DNMT1: variants seen among roughly 807,000 people sequenced by gnomAD.
The protein encoded by DNMT1 is DNA methyltransferase 1.
In DNMT1, 24 loss-of-function variants were observed where a neutral mutation model predicts 205.3. That is an observed-to-expected ratio of 0.12 (90% CI 0.08 to 0.16). The LOEUF is 0.16. Ranked by LOEUF, DNMT1 falls within the 10% of genes least tolerant of loss-of-function variation. DNMT1 has a pLI of 1.00. For missense variants in DNMT1, 1,293 were observed against 2,177.7 expected (o/e 0.59, Z 8.09); for synonymous variants, 817 against 839.8 (o/e 0.97, Z 0.47).
In DNMT1 at chr19:10,145,366, T is replaced by C. The variant is rs557081013; in HGVS notation, c.2894+985A>G. On this transcript the variant is annotated intron_variant, in intron 28 of 40. Coordinates refer to ENST00000359526, the MANE Select transcript of DNMT1 (RefSeq NM_001130823.3). ...TAACGCGCCCCAACTGTGCCAAGGC[T>C]GGAGGGAACCTGCTTCTCCAGTTCT... 1.1e-4 allele frequency among the ~76,000 whole-genome samples: 17 copies of C among 152,328 alleles called. No individual in the cohort carries two copies. In the East Asian group the frequency reaches 3.3e-3, roughly 29 times the overall value.
chr19:10,190,319 T>C (rs1430048744), intron 1 of DNMT1, among the ~76,000 whole-genome samples: 1 of 152,128 alleles, frequency 6.6e-6, no homozygotes, highest in Non-Finnish European at 1.5e-5. Flanking sequence ...AAGCTGCAGA[T>C]ACAGTGAATA....
At chr19:10,145,540 C>T (rs893258540) in intron 28 of DNMT1, among the ~76,000 whole-genome samples, 2 of 152,346 alleles carry the variant, frequency 1.3e-5, no homozygotes, top group East Asian at 1.9e-4. Context: ...AGTGTGGAAA[C>T]GATCTGTGGC....
intron 7 of DNMT1, 51 bp from the exon 8 acceptor site, chr19:10,173,956 G>A: frequency 6.4e-7 from 1 of 1,564,892 alleles, no homozygotes; most frequent in Non-Finnish European, 8.8e-7. Flanking sequence ...GGTTTCAAGG[G>A]AAGGTCAACA....
chr19:10,157,937 C>A (rs995462316), intron 17 of DNMT1, among the ~76,000 whole-genome samples: 3 of 152,204 alleles, frequency 2.0e-5, no homozygotes, highest in African/African-American at 7.2e-5. Flanking sequence ...GGCCAGACCC[C>A]ACCCATGACT....
At chr19:10,144,263 C>A in intron 28 of DNMT1, 1 of 407,096 alleles carries the variant, frequency 2.5e-6, no homozygotes, top group Non-Finnish European at 4.7e-6. Flanking sequence ...CAAAAATTAG[C>A]CGGGTGTGGT....
chr19:10,139,990 A>G (rs2089570031), intron 33 of DNMT1, 56 bp downstream of exon 33: 1 of 1,601,592 alleles, frequency 6.2e-7, no homozygotes, highest in Non-Finnish European at 8.5e-7. Context: ...ACCACTGCTG[A>G]CATGCGGCAC....
intron 19 of DNMT1, among the ~76,000 whole-genome samples, chr19:10,155,337 CTTT>C (rs561209748): frequency 6.8e-6 from 1 of 146,194 alleles, no homozygotes; most frequent in Admixed American, 6.9e-5. Flanking sequence ...AAGACCTGCT[CTTT>C]TTTTTTTTTC....
rs1188633987 is a variant in DNMT1 at position 10,180,396 on chromosome 19, G to A, written c.399C>T (p.Ser133=). 3 of 1,613,842 alleles carry A rather than the reference G, an allele frequency of 1.9e-6. No homozygotes were observed. The highest frequency in any genetic ancestry group is 3.3e-5 in the Admixed American group (2 of 59,970). ...ADANSPPKPL[S]KPRTPRRSKS... is the part of the protein sequence containing the mutation. Reference sequence around the variant, plus strand: ...TGCTCCTCCTGGGCGTGCGAGGTTTGGAAAGGGGTTTGGGGGGGCTGTTGG... The same window carrying A: ...TGCTCCTCCTGGGCGTGCGAGGTTTAGAAAGGGGTTTGGGGGGGCTGTTGG... The change falls in exon 4 of 41, where the codon TCC becomes TCT. Residue 133 remains serine, a synonymous_variant. Coordinates refer to ENST00000359526, the MANE Select transcript of DNMT1 (RefSeq NM_001130823.3).
rs577833349 is a variant in DNMT1, at chr19:10,177,218, G to A, written c.569+74C>T. The stretch of plus-strand genomic sequence containing the variant: ...ACAACACGGAAGACAGAATTGCCAC[G>A]TGACGCCCTACCAATTCCATCCCAA... On this transcript the variant is annotated intron_variant, in intron 6 of 40. Coordinates refer to ENST00000359526, the MANE Select transcript of DNMT1 (RefSeq NM_001130823.3). 264 of 1,366,368 alleles carry A rather than the reference G, an allele frequency of 1.9e-4. 2 individuals are homozygous for A. The East Asian group carries it at 4.0e-3, about 21-fold the overall frequency. 84.6% of individuals were successfully genotyped at this position (1,366,368 alleles called of 1,614,324 possible). A position where few individuals can be genotyped will look rare whatever the true frequency, so the allele number is the denominator to read the frequency against.
intron 1 of DNMT1, among the ~76,000 whole-genome samples, chr19:10,192,222 G>C (rs1243171279): frequency 6.6e-6 from 1 of 151,606 alleles, no homozygotes; most frequent in African/African-American, 2.4e-5. Flanking sequence ...GGGGTTCAAG[G>C]CTGCAGTAAG....
At chr19:10,166,200 CA>C (rs1416203917) in intron 11 of DNMT1, among the ~76,000 whole-genome samples, 2 of 152,068 alleles carry the variant, frequency 1.3e-5, no homozygotes, top group Admixed American at 6.6e-5. Flanking sequence ...GGGAGGCTGG[CA>C]GGGGGAGAGC....
In DNMT1 at chr19:10,183,121, A is replaced by ACACACG. The variant is rs1568257414; in HGVS notation, c.81-1045_81-1044insCGTGTG. 4.8e-3 allele frequency among the ~76,000 whole-genome samples: 621 copies of ACACACG among 130,554 alleles called. 2 individuals carry two copies. The highest frequency in any genetic ancestry group is 0.018 in the South Asian group (70 of 3,896). The allele number at this position is 130,554 out of a possible 152,430, so 85.6% of individuals were successfully genotyped here. A position where few individuals can be genotyped will look rare whatever the true frequency, so the allele number is the denominator to read the frequency against. On this transcript the variant is annotated intron_variant, in intron 1 of 40. Coordinates refer to ENST00000359526, the MANE Select transcript of DNMT1 (RefSeq NM_001130823.3). ...CGTATATATACGTGTGTATATATAT[A>ACACACG]TATATTTTTTTTTTTTGAGATAGGG...
At chr19:10,167,661 A>G (rs1190941907) in intron 10 of DNMT1, among the ~76,000 whole-genome samples, 1 of 152,200 alleles carries the variant, frequency 6.6e-6, no homozygotes, top group African/African-American at 2.4e-5. Flanking sequence ...ACAGCCACCA[A>G]GCTGTAGACA....
At chr19:10,144,071 A>C in intron 28 of DNMT1, 84 bp from the exon 29 acceptor site, 1 of 1,360,548 alleles carries the variant, frequency 7.3e-7, no homozygotes, top group Non-Finnish European at 1.0e-6. Flanking sequence ...GAAAATAACC[A>C]TTTAAAGTCA....
In DNMT1 at chr19:10,151,835, G is replaced by C. The variant is rs1599362269; in HGVS notation, c.2032C>G (p.Pro678Ala). 6.2e-7 allele frequency: 1 copy of C among 1,613,958 alleles called. No individual in the cohort carries two copies. Among genetic ancestry groups the C allele is most frequent in the East Asian group, 2.2e-5 (1 of 44,878 alleles). ...RCGVCEVCQQ[P>A]ECGKCKACKD... ...CAGGCTTTACATTTCCCACACTCAG[G>C]CTGCTGACACACCTAAAAAATGGCA... Residue 678 changes from proline (P) to alanine (A), a missense_variant, in exon 23 of 41, where the codon CCT becomes GCT. Coordinates refer to ENST00000359526, the MANE Select transcript of DNMT1 (RefSeq NM_001130823.3). The surrounding 1 kb of genome is among the most constrained non-coding windows in gnomAD (Gnocchi z 5.0).
chr19:10,144,945 C>G (rs971107056), intron 28 of DNMT1, among the ~76,000 whole-genome samples: 1 of 152,194 alleles, frequency 6.6e-6, no homozygotes, highest in African/African-American at 2.4e-5. Context: ...GGTATGTCGG[C>G]CAGGCTGGTC....
At chr19:10,165,958 T>C (rs1379885311) in intron 11 of DNMT1, among the ~76,000 whole-genome samples, 2 of 152,118 alleles carry the variant, frequency 1.3e-5, no homozygotes, top group Non-Finnish European at 2.9e-5. Context: ...CCCGTGACCT[T>C]GGGCTCCACT....
chr19:10,188,450 G>T (rs1010337689), intron 1 of DNMT1, among the ~76,000 whole-genome samples: 1 of 152,042 alleles, frequency 6.6e-6, no homozygotes, highest in Non-Finnish European at 1.5e-5. Context: ...TGAGGCACAA[G>T]AATCATTTGA....
rs755725124 is a variant in DNMT1 at position 10,194,807 on chromosome 19, C to A, written c.80+13G>T. ...TGTCCCCCTGAGTCCGTGTTCCCCC[C>A]CATGGTACCTACCGCCTGCGGACAT... On this transcript the variant is annotated intron_variant, in intron 1 of 40. Transcript: ENST00000359526. 2.5e-6 allele frequency: 4 copies of A among 1,611,520 alleles called. No individual in the cohort carries two copies. Among genetic ancestry groups the A allele is most frequent in the Non-Finnish European group, 2.5e-6 (3 of 1,179,126 alleles).
Sources: allele counts gnomAD v4.1 joint callset (sites outside exome capture counted in the v4.1 genomes callset), GRCh38; gene constraint gnomAD v4.1.1; non-coding constraint Gnocchi (gnomAD v3.1); transcripts MANE v1.5; gene names NCBI Gene and HGNC (gene_info 2026-07-23, HGNC 2026-07-21).